The following CDH18 variants were observed in gnomAD, a reference collection of about 807,000 sequenced individuals.
The protein encoded by CDH18 is cadherin 18.
A neutral mutation model predicts 67.9 loss-of-function variants in CDH18; 31 were observed. The ratio of observed to expected loss-of-function variants is 0.46; its 90% CI spans 0.34 to 0.62. The LOEUF is 0.62. Among genes scored for constraint, CDH18 ranks in the 20% least tolerant of loss-of-function variants. CDH18 has a pLI of 0.01. For missense variants in CDH18, 890 were observed against 975.5 expected (o/e 0.91, Z 1.17); for synonymous variants, 362 against 347.2 (o/e 1.04, Z -0.48).
At chr5:19,974,406 C>T (rs1235656259) in intron 2 of CDH18, among the ~76,000 whole-genome samples, 2 of 151,386 alleles carry the variant, frequency 1.3e-5, no homozygotes, top group African/African-American at 4.9e-5. Flanking sequence ...TCATGTGCAC[C>T]TGTAATCCCA....
chr5:20,538,118 C>A (rs530352631), intron 1 of CDH18, among the ~76,000 whole-genome samples: 4 of 151,914 alleles, frequency 2.6e-5, no homozygotes, highest in African/African-American at 9.7e-5. Flanking sequence ...GCAGAGACAC[C>A]GAAGAGACAA....
At chr5:19,660,428 T>C (rs542852964) in intron 5 of CDH18, among the ~76,000 whole-genome samples, 6 of 152,160 alleles carry the variant, frequency 3.9e-5, no homozygotes, top group Non-Finnish European at 5.9e-5. Flanking sequence ...TCAGTAATTG[T>C]ATATTTCCCT....
intron 2 of CDH18, among the ~76,000 whole-genome samples, chr5:20,028,349 C>T (rs906436060): frequency 1.3e-5 from 2 of 151,938 alleles, no homozygotes; most frequent in Non-Finnish European, 2.9e-5. Context: ...AAGATAACAC[C>T]GAAATTTCTT....
chr5:20,477,828 C>A (rs997838604), intron 1 of CDH18, among the ~76,000 whole-genome samples: 1 of 152,296 alleles, frequency 6.6e-6, no homozygotes, highest in Admixed American at 6.5e-5. Context: ...GCACAGCTCA[C>A]AGCTCAGGAG....
intron 5 of CDH18, among the ~76,000 whole-genome samples, chr5:19,675,623 T>G (rs1386901619): frequency 6.6e-6 from 1 of 152,106 alleles, no homozygotes; most frequent in Non-Finnish European, 1.5e-5. Context: ...AACATCACTC[T>G]TATCCTGTTC....
chr5:20,425,028 G>A (rs13165350), intron 1 of CDH18, among the ~76,000 whole-genome samples: 1 of 150,612 alleles, frequency 6.6e-6, no homozygotes, highest in African/African-American at 2.5e-5. Context: ...ATTTCCCTTA[G>A]AAACTGTCCG....
intron 4 of CDH18, 112 bp from the exon 5 acceptor site, chr5:19,721,578 T>C (rs1766108428): frequency 2.5e-6 from 2 of 809,704 alleles, no homozygotes; most frequent in Non-Finnish European, 3.7e-6. Context: ...ACTGGTTGTG[T>C]CCTAGTAAAT....
intron 5 of CDH18, among the ~76,000 whole-genome samples, chr5:19,650,867 T>C (rs1375323505): frequency 6.6e-6 from 1 of 152,066 alleles, no homozygotes; most frequent in African/African-American, 2.4e-5. Flanking sequence ...ATGCATTAAA[T>C]TCTCATTTCA....
Position 19,564,159 on chromosome 5 carries a change from C to T in CDH18, c.1253+7420G>A, listed in dbSNP as rs1580232251. 2.6e-5 allele frequency among the ~76,000 whole-genome samples: 4 copies of T among 152,180 alleles called. No individual in the cohort carries two copies. The South Asian group carries it at 8.3e-4, about 32-fold the overall frequency. On this transcript the variant is annotated intron_variant, in intron 8 of 12. Coordinates refer to ENST00000382275, the MANE Select transcript of CDH18 (RefSeq NM_004934.5). ...TGAAAGGCAGTCTGGGCCAGAAGGA[C>T]TGTAATTCCTGAGTAAGCCTTGGTG... is the stretch of plus-strand genomic sequence containing the variant.
chr5:20,047,775 C>T (rs184788572), intron 2 of CDH18, among the ~76,000 whole-genome samples: 1 of 151,790 alleles, frequency 6.6e-6, no homozygotes, highest in African/African-American at 2.4e-5. Context: ...TCCACGTATA[C>T]TTCTAATTGG....
chr5:20,166,466 A>G (rs1736301723), intron 2 of CDH18, among the ~76,000 whole-genome samples: 1 of 150,956 alleles, frequency 6.6e-6, no homozygotes, highest in South Asian at 2.1e-4. Context: ...AAAAGAAAAG[A>G]AAAGAAAAAG....
At chr5:20,116,335 C>G (rs1229531053) in intron 2 of CDH18, among the ~76,000 whole-genome samples, 2 of 151,756 alleles carry the variant, frequency 1.3e-5, no homozygotes, top group East Asian at 1.9e-4. Context: ...CATGATGAAA[C>G]CCCCATGTCT....
Position 20,392,607 on chromosome 5 carries a change from T to C in CDH18, c.-579-137102A>G, listed in dbSNP as rs78743331. Among the ~76,000 whole-genome samples, 2,376 of 151,942 alleles carry C rather than the reference T, an allele frequency of 0.016. 277 individuals carry two copies. In the East Asian group the frequency reaches 0.32, roughly 20 times the overall value. Reference sequence around the variant, plus strand: ...GCTGCAAACTTGAAAAATTATGTAATATGCCCAAGGAGAACAAATGTTTTG... The same window carrying C: ...GCTGCAAACTTGAAAAATTATGTAACATGCCCAAGGAGAACAAATGTTTTG... On this transcript the variant is annotated intron_variant, in intron 1 of 14. Transcript: ENST00000507958.
At chr5:19,540,295 G>A (rs899765677) in intron 9 of CDH18, among the ~76,000 whole-genome samples, 3 of 152,086 alleles carry the variant, frequency 2.0e-5, no homozygotes, top group Admixed American at 1.3e-4. Context: ...GTCCACCCCT[G>A]TGGCTTTGCA....
intron 2 of CDH18, among the ~76,000 whole-genome samples, chr5:20,128,107 C>G (rs1399569965): frequency 6.6e-6 from 1 of 152,008 alleles, no homozygotes; most frequent in Non-Finnish European, 1.5e-5. Context: ...AGTATCATCA[C>G]ATTTACTACA....
intron 5 of CDH18, among the ~76,000 whole-genome samples, chr5:19,720,120 G>T (rs1248452879): frequency 1.3e-5 from 2 of 152,076 alleles, no homozygotes; most frequent in East Asian, 1.9e-4. Flanking sequence ...ATTAGCTAGA[G>T]AGAAAGTGCT....
chr5:20,497,443 A>G (rs1283963650), intron 1 of CDH18, among the ~76,000 whole-genome samples: 1 of 152,110 alleles, frequency 6.6e-6, no homozygotes, highest in Non-Finnish European at 1.5e-5. Flanking sequence ...ATTGTGTTAC[A>G]ATTGTTTACA....
At chr5:19,542,067 G>A (rs1011415391) in intron 9 of CDH18, among the ~76,000 whole-genome samples, 1 of 152,078 alleles carries the variant, frequency 6.6e-6, no homozygotes. Flanking sequence ...TTAGTGAAAG[G>A]TTACTTTTAC....
intron 5 of CDH18, among the ~76,000 whole-genome samples, chr5:19,702,148 C>CTTT (rs70950086): frequency 0.039 from 4,508 of 114,782 alleles, 441 homozygotes; most frequent in African/African-American, 0.15. Context: ...CTTTCTCTCT[C>CTTT]TTTTTTTTTT....
Sources: allele counts gnomAD v4.1 joint callset (sites outside exome capture counted in the v4.1 genomes callset), GRCh38; gene constraint gnomAD v4.1.1; transcripts MANE v1.5; gene names NCBI Gene and HGNC (gene_info 2026-07-23, HGNC 2026-07-21).